The following DGKB variants were observed in gnomAD, a reference collection of about 807,000 sequenced individuals.
DGKB encodes diacylglycerol kinase beta.
In DGKB, 67 loss-of-function variants were observed where a neutral mutation model predicts 114.3. The observed-to-expected ratio is 0.59, with a 90% CI of 0.48 to 0.72. DGKB has a LOEUF of 0.72. DGKB is among the 30% of genes least tolerant of loss of function. DGKB has a pLI of 0.00. For missense variants in DGKB, 907 were observed against 975.2 expected, an observed-to-expected ratio of 0.93 and a Z score of 0.93; for synonymous variants, 398 against 323.1, an observed-to-expected ratio of 1.23 and a Z score of -2.49.
At chr7:14,640,767 T>C (rs564179726) in intron 13 of DGKB, among the ~76,000 whole-genome samples, 3 of 152,310 alleles carry the variant, frequency 2.0e-5, no homozygotes, top group Non-Finnish European at 4.4e-5. Context: ...CCATATTTAA[T>C]AGTAAAACAG....
chr7:14,313,364 G>A (rs1357311098), intron 23 of DGKB, among the ~76,000 whole-genome samples: 1 of 152,014 alleles, frequency 6.6e-6, no homozygotes, highest in East Asian at 1.9e-4. Flanking sequence ...TGAGGTACCG[G>A]GTTCATCTCA....
chr7:14,599,231 T>C (rs1315680266), intron 17 of DGKB, among the ~76,000 whole-genome samples: 6 of 152,172 alleles, frequency 3.9e-5, no homozygotes, highest in Non-Finnish European at 8.8e-5. Context: ...AATACAGTCC[T>C]GGGCAAATGC....
chr7:14,909,104 T>G (rs1783854645), intron 1 of DGKB, among the ~76,000 whole-genome samples: 1 of 152,186 alleles, frequency 6.6e-6, no homozygotes, highest in Non-Finnish European at 1.5e-5. Flanking sequence ...TCCTTAAAAT[T>G]TAACTCTTAT....
At chr7:14,301,945 C>T (rs894662953) in intron 23 of DGKB, among the ~76,000 whole-genome samples, 4 of 151,964 alleles carry the variant, frequency 2.6e-5, no homozygotes, top group African/African-American at 9.7e-5. Context: ...CCCCAAATGG[C>T]AGTGCTTTAG....
chr7:14,344,158 C>T (rs1812093040), intron 22 of DGKB, among the ~76,000 whole-genome samples: 1 of 150,794 alleles, frequency 6.6e-6, no homozygotes, highest in East Asian at 1.9e-4. Context: ...ATAGTAATAA[C>T]AGAAAGTCCA....
At chr7:14,444,470 G>A (rs1035492987) in intron 21 of DGKB, among the ~76,000 whole-genome samples, 2 of 151,814 alleles carry the variant, frequency 1.3e-5, no homozygotes, top group Admixed American at 6.6e-5. Context: ...TCAGGTGGAT[G>A]AATAAGAATT....
intron 2 of DGKB, among the ~76,000 whole-genome samples, chr7:14,775,104 T>A (rs537634877): frequency 6.6e-6 from 1 of 152,208 alleles, no homozygotes; most frequent in East Asian, 1.9e-4. Context: ...TTCGTGAGCA[T>A]AAATACATAT....
At chr7:14,571,146 T>C (rs1339333858) in intron 20 of DGKB, among the ~76,000 whole-genome samples, 1 of 152,124 alleles carries the variant, frequency 6.6e-6, no homozygotes, top group African/African-American at 2.4e-5. Context: ...GACCAAAGCA[T>C]ATAAAAAAAA....
At chr7:14,484,116 GA>G (rs917991391) in intron 20 of DGKB, among the ~76,000 whole-genome samples, 2 of 148,628 alleles carry the variant, frequency 1.3e-5, no homozygotes, top group Admixed American at 6.7e-5. Flanking sequence ...CTCTTAATTT[GA>G]ATTTGCATTA....
chr7:14,947,959 T>C (rs1562896314), intron 1 of DGKB, among the ~76,000 whole-genome samples: 1 of 151,794 alleles, frequency 6.6e-6, no homozygotes, highest in Non-Finnish European at 1.5e-5. Flanking sequence ...CTTCAGAGAA[T>C]GGATTTCAGA....
At chr7:14,662,096 C>T (rs763282822) in intron 13 of DGKB, among the ~76,000 whole-genome samples, 1 of 151,860 alleles carries the variant, frequency 6.6e-6, no homozygotes, top group African/African-American at 2.4e-5. Flanking sequence ...GGGAGATATA[C>T]CTAATGCTAG....
intron 1 of DGKB, among the ~76,000 whole-genome samples, chr7:14,870,809 T>TAACAAATAATAACTATATATTTATG (rs1562774283): frequency 8.0e-4 from 7 of 8,786 alleles, no homozygotes; most frequent in African/African-American, 1.0e-3. Flanking sequence ...AAAAGAAAAT[T>TAACAAATAATAACTATATATTTATG]GGCCGGGCGC....
intron 13 of DGKB, among the ~76,000 whole-genome samples, chr7:14,672,626 A>G (rs545516431): frequency 2.6e-5 from 4 of 152,196 alleles, no homozygotes; most frequent in African/African-American, 9.6e-5. Context: ...AGCTAGATCT[A>G]TAAAATATAT....
chr7:14,330,602 C>A lies in DGKB; in HGVS notation c.2122+7913G>T, dbSNP rs138860150. Among the ~76,000 whole-genome samples the A allele has an allele frequency of 2.3e-3, 349 of 152,016 alleles. 1 individual carries two copies. Among genetic ancestry groups the A allele is most frequent in the African/African-American group, 7.8e-3 (325 of 41,522 alleles). Reference sequence around the variant, plus strand: ...ATTTTGTTTTTAAAATTATACTGCACACCAGATTTTTTAAATTTTACTGTT... The same window carrying A: ...ATTTTGTTTTTAAAATTATACTGCAAACCAGATTTTTTAAATTTTACTGTT... On this transcript the variant is annotated intron_variant, in intron 23 of 25. Coordinates refer to ENST00000402815, the MANE Select transcript of DGKB (RefSeq NM_001350709.2).
intron 20 of DGKB, among the ~76,000 whole-genome samples, chr7:14,510,669 CA>C (rs916186238): frequency 1.3e-5 from 2 of 152,116 alleles, no homozygotes; most frequent in Admixed American, 6.6e-5. Context: ...TCTAGAATGG[CA>C]AATCCTTTCC....
intron 16 of DGKB, among the ~76,000 whole-genome samples, chr7:14,611,719 T>G (rs913348605): frequency 2.6e-5 from 4 of 151,716 alleles, no homozygotes; most frequent in African/African-American, 9.7e-5. Context: ...ATATGTATAT[T>G]TTTAATTTAG....
intron 2 of DGKB, among the ~76,000 whole-genome samples, chr7:14,767,714 C>T (rs552963126): frequency 6.6e-6 from 1 of 151,760 alleles, no homozygotes; most frequent in South Asian, 2.1e-4. Flanking sequence ...CTTTTGTGGG[C>T]AATAGAATTA....
intron 7 of DGKB, among the ~76,000 whole-genome samples, chr7:14,698,998 A>G (rs553923909): frequency 3.7e-4 from 56 of 152,180 alleles, no homozygotes; most frequent in Middle Eastern, 3.4e-3. Flanking sequence ...AGAGTATTCT[A>G]CTCAAATCTC....
At chr7:14,714,257 T>C (rs1827834905) in intron 6 of DGKB, among the ~76,000 whole-genome samples, 4 of 152,142 alleles carry the variant, frequency 2.6e-5, no homozygotes, top group South Asian at 4.1e-4. Flanking sequence ...AACCCAGCAA[T>C]TGCACATTGT....
Sources: allele counts gnomAD v4.1 joint callset (sites outside exome capture counted in the v4.1 genomes callset), GRCh38; gene constraint gnomAD v4.1.1; transcripts MANE v1.5; gene names NCBI Gene and HGNC (gene_info 2026-07-23, HGNC 2026-07-21).